The following OR3A2 variants were observed in gnomAD, a reference collection of about 807,000 sequenced individuals.
OR3A2 encodes olfactory receptor family 3 subfamily A member 2.
For synonymous variants in OR3A2, 126 were observed against 159.3 expected (o/e 0.79, Z 1.57); for missense variants, 318 against 392.8 (o/e 0.81, Z 1.61).
At chr17:3,322,283 G>A (rs928756054) in intron 3 of OR3A2, among the ~76,000 whole-genome samples, 2 of 151,492 alleles carry the variant, frequency 1.3e-5, no homozygotes, top group Non-Finnish European at 2.9e-5. Flanking sequence ...ATTAGTCTTG[G>A]TAGCAGTCTA....
At chr17:3,360,249 C>T (rs1246710243) in intron 2 of OR3A2, among the ~76,000 whole-genome samples, 1 of 130,730 alleles carries the variant, frequency 7.6e-6, no homozygotes, top group Non-Finnish European at 1.5e-5. Flanking sequence ...ATATCCTTCG[C>T]CCACTTTTTG....
rs540060883 is a variant in OR3A2 at position 3,362,475 on chromosome 17, G to A, written c.-179+21329C>T. Reference sequence around the variant, plus strand: ...CTTCTGCTAGCTTTTGAATGTGTTTGCTCTTGCTTCTCTAGTTCTTTTCAT... The same window carrying A: ...CTTCTGCTAGCTTTTGAATGTGTTTACTCTTGCTTCTCTAGTTCTTTTCAT... On this transcript the variant is annotated intron_variant, in intron 2 of 4. Coordinates refer to the OR3A2 transcript ENST00000573491. Among the ~76,000 whole-genome samples the A allele has an allele frequency of 1.5e-4, 23 of 151,672 alleles. No individual in the cohort carries two copies. In the South Asian group the frequency reaches 4.8e-3, roughly 31 times the overall value.
At chr17:3,330,712 A>G in intron 3 of OR3A2, among the ~76,000 whole-genome samples, 1 of 151,564 alleles carries the variant, frequency 6.6e-6, no homozygotes, top group Non-Finnish European at 1.5e-5. Flanking sequence ...GTCCATTTAC[A>G]TTTACAGTTA....
intron 3 of OR3A2, among the ~76,000 whole-genome samples, chr17:3,319,525 C>A (rs1298873830): frequency 6.6e-6 from 1 of 152,072 alleles, no homozygotes; most frequent in East Asian, 1.9e-4. Context: ...ATCCTTCCCC[C>A]ATCCCACCAC....
At chr17:3,306,765 CATT>C (rs1462397859) in intron 3 of OR3A2, among the ~76,000 whole-genome samples, 4 of 105,170 alleles carry the variant, frequency 3.8e-5, no homozygotes, top group Admixed American at 9.4e-5. Flanking sequence ...CTTCAAAAGA[CATT>C]GTTAGTGTAA....
At chr17:3,365,884 A>G (rs572484369) in intron 2 of OR3A2, among the ~76,000 whole-genome samples, 24 of 152,348 alleles carry the variant, frequency 1.6e-4, no homozygotes, top group South Asian at 6.2e-4. Flanking sequence ...CTGGGGAAGG[A>G]AGATCACAGC....
intron 3 of OR3A2, among the ~76,000 whole-genome samples, chr17:3,324,576 C>G (rs558601445): frequency 7.0e-4 from 107 of 152,226 alleles, no homozygotes; most frequent in African/African-American, 2.5e-3. Context: ...TTCCTTCTAA[C>G]AGACAGGACC....
chr17:3,310,368 C>T lies in OR3A2; in HGVS notation c.-85+25665G>A, dbSNP rs778911802. 9.3e-6 allele frequency: 5 copies of T among 534,838 alleles called. No individual in the cohort carries two copies. The East Asian group carries it at 2.7e-4, about 29-fold the overall frequency. 33.1% of individuals were successfully genotyped at this position (534,838 alleles called of 1,614,324 possible). On this transcript the variant is annotated intron_variant, in intron 3 of 4. Transcript: ENST00000573491. The stretch of plus-strand genomic sequence containing the variant: ...TGTGACCAAGTTTGTCCTGCTGGGC[C>T]TCACAGAGACTGCAGCTCTACAGCC...
At chr17:3,317,235 A>G (rs2049087709) in intron 3 of OR3A2, among the ~76,000 whole-genome samples, 1 of 152,224 alleles carries the variant, frequency 6.6e-6, no homozygotes, top group African/African-American at 2.4e-5. Flanking sequence ...AGTAGCAATA[A>G]GTGAAACAGA....
chr17:3,282,703 G>A (rs1470987711), intron 1 of OR3A2, among the ~76,000 whole-genome samples: 2 of 152,242 alleles, frequency 1.3e-5, no homozygotes, highest in East Asian at 1.9e-4. Context: ...ACTGACAGAG[G>A]TGGTAACTGA....
At chr17:3,321,482 T>C (rs956482232) in intron 3 of OR3A2, among the ~76,000 whole-genome samples, 36 of 151,764 alleles carry the variant, frequency 2.4e-4, no homozygotes, top group African/African-American at 7.7e-4. Flanking sequence ...ATGCTTCCAG[T>C]TTTTGCCCAT....
At chr17:3,341,304 T>C (rs1037397549) in intron 2 of OR3A2, among the ~76,000 whole-genome samples, 1 of 152,226 alleles carries the variant, frequency 6.6e-6, no homozygotes, top group Non-Finnish European at 1.5e-5. Flanking sequence ...GATTCTGTCA[T>C]TATGATGTTA....
chr17:3,363,743 A>T (rs937994635), intron 2 of OR3A2, among the ~76,000 whole-genome samples: 19 of 152,206 alleles, frequency 1.2e-4, no homozygotes, highest in African/African-American at 4.6e-4. Context: ...TAATTTATGA[A>T]GAGGTTTGGT....
At chr17:3,319,081 T>C (rs2049098929) in intron 3 of OR3A2, among the ~76,000 whole-genome samples, 1 of 152,180 alleles carries the variant, frequency 6.6e-6, no homozygotes, top group Non-Finnish European at 1.5e-5. Context: ...TGTACACTGG[T>C]GAATAAATGA....
rs138688665 is a variant in OR3A2, at chr17:3,358,897, T to A, written c.-178-22771A>T. Among the ~76,000 whole-genome samples, 1,372 of 151,808 alleles carry A rather than the reference T, an allele frequency of 9.0e-3. 58 individuals are homozygous for A. Among genetic ancestry groups the A allele is most frequent in the African/African-American group, 0.032 (1,306 of 41,110 alleles). On this transcript the variant is annotated intron_variant, in intron 2 of 4. Transcript: ENST00000573491. ...AGTGGAGTGTTGAAGAGTCCCCTTA[T>A]TATTGTTCAAGAGTCTATGTCTCCT... is the stretch of plus-strand genomic sequence containing the variant.
intron 2 of OR3A2, among the ~76,000 whole-genome samples, chr17:3,351,777 C>A (rs1163717736): frequency 3.3e-5 from 5 of 151,868 alleles, no homozygotes; most frequent in Admixed American, 6.6e-5. Flanking sequence ...ACCTGACTTC[C>A]AACTATACTG....
At chr17:3,374,536 C>T (rs929966502) in intron 2 of OR3A2, among the ~76,000 whole-genome samples, 3 of 152,120 alleles carry the variant, frequency 2.0e-5, no homozygotes, top group African/African-American at 4.8e-5. Context: ...GCCATGTCTT[C>T]GAGCTCTGAC....
At chr17:3,289,113 GTGTT>G (rs752352063), upstream of OR3A2, among the ~76,000 whole-genome samples, 33 of 152,274 alleles carry the variant, frequency 2.2e-4, no homozygotes, top group East Asian at 3.9e-4. Context: ...GTGTGAGTGT[GTGTT>G]TGTGTGTGTT....
Position 3,319,404 on chromosome 17 carries a change from T to A in OR3A2, c.-85+16629A>T, listed in dbSNP as rs1165563304. ...AAATTTTATTATTATACTTTAAGTT[T>A]TAGGGTACATGTGCACAACATGCAG... On this transcript the variant is annotated intron_variant, in intron 3 of 4. Coordinates refer to the OR3A2 transcript ENST00000573491. Among the ~76,000 whole-genome samples the A allele has an allele frequency of 2.0e-5, 3 of 152,100 alleles. No homozygotes were observed. The East Asian group carries it at 5.8e-4, about 29-fold the overall frequency.
Sources: allele counts gnomAD v4.1 joint callset (sites outside exome capture counted in the v4.1 genomes callset), GRCh38; gene constraint gnomAD v4.1.1; transcripts MANE v1.5; gene names NCBI Gene and HGNC (gene_info 2026-07-23, HGNC 2026-07-21).